Variants in TAF9 observed in about 807,000 individuals in gnomAD.
The protein encoded by TAF9 is transcription initiation factor TFIID subunit 9.
Under a neutral mutation model 16.5 loss-of-function variants are expected in TAF9, and 10 were observed. The ratio of observed to expected loss-of-function variants is 0.61; its 90% CI spans 0.37 to 1.03. The LOEUF (loss-of-function observed/expected upper bound fraction) is 1.03. TAF9 is among the 50% of genes least tolerant of loss of function. The pLI is 0.01. For missense variants in TAF9, 288 were observed against 319.1 expected (o/e 0.90, Z 0.74); for synonymous variants, 105 against 120.5 (o/e 0.87, Z 0.84).
chr5:69,369,624 G>A (rs1580337147), upstream of TAF9: 1 of 1,570,122 alleles, frequency 6.4e-7, no homozygotes, highest in Non-Finnish European at 8.6e-7. Context: ...CCCCTAGCCT[G>A]CCCCGGCGGC....
At position 69,369,444 on chromosome 5, in the gene TAF9, C is replaced by T. The variant is rs1330311692; in HGVS notation, c.-111+19G>A. 6.2e-7 allele frequency: 1 copy of T among 1,609,692 alleles called. No homozygotes were observed. Among genetic ancestry groups the T allele is most frequent in the Non-Finnish European group, 8.5e-7 (1 of 1,178,864 alleles). On this transcript the variant is annotated intron_variant, in intron 1 of 2. Coordinates refer to ENST00000217893, the MANE Select transcript of TAF9 (RefSeq NM_003187.5). ...CCCAGCCTGCCCCAGCCCAGTCCCTCCCGGCCGCGCGCCCTGACCGGTGAG... is the reference window on the plus strand; with the variant it reads ...CCCAGCCTGCCCCAGCCCAGTCCCTTCCGGCCGCGCGCCCTGACCGGTGAG...
In TAF9 at chr5:69,366,768, T is replaced by A. The variant is rs935705963; in HGVS notation, c.-110-173A>T. The A allele has an allele frequency of 1.9e-5, 11 of 594,534 alleles. No homozygotes were observed. The Admixed American group carries it at 2.1e-4, about 11-fold the overall frequency. The allele number at this position is 594,534 out of a possible 1,614,324, so 36.8% of individuals were successfully genotyped here. On this transcript the variant is annotated intron_variant, in intron 1 of 2. Transcript: ENST00000217893. ...CTAATTAGCAATCATATGTAAAATT[T>A]TTTTTTTGAGACAGAGTTTCACTCT...
At chr5:69,369,529 G>A (rs754156484), upstream of TAF9, 4 of 1,611,308 alleles carry the variant, frequency 2.5e-6, no homozygotes, top group South Asian at 4.4e-5. Context: ...TCGCTCACGT[G>A]CCCTTTGCTC....
upstream of TAF9, chr5:69,369,753 CA>C: frequency 1.3e-6 from 2 of 1,509,640 alleles, no homozygotes; most frequent in South Asian, 2.4e-5. Context: ...GCCTAAGTCA[CA>C]CACTCCTTCG....
upstream of TAF9, chr5:69,369,716 T>A (rs764215466): frequency 1.2e-5 from 19 of 1,550,836 alleles, no homozygotes; most frequent in South Asian, 2.0e-4. Context: ...CTCGGGTCGG[T>A]ACTTCGGGTC....
At chr5:69,368,062 TTACCTC>T (rs1233685687) in intron 1 of TAF9, among the ~76,000 whole-genome samples, 1 of 152,006 alleles carries the variant, frequency 6.6e-6, no homozygotes, top group African/African-American at 2.4e-5. Flanking sequence ...AGTCTGAAAA[TTACCTC>T]TACTGACCCC....
chr5:69,369,738 T>C (rs1167050266), upstream of TAF9: 22 of 1,539,174 alleles, frequency 1.4e-5, 1 homozygote, highest in Middle Eastern at 5.0e-4. Flanking sequence ...GGCAGTGCGC[T>C]GGATGCCTAA....
rs1762767802 is a variant in TAF9 at position 69,369,509 on chromosome 5, T to C, written c.-157A>G. The C allele has an allele frequency of 2.5e-6, 4 of 1,611,062 alleles. No homozygotes were observed. Among genetic ancestry groups the C allele is most frequent in the African/African-American group, 1.3e-5 (1 of 74,700 alleles). ...GCAACATGGTCCCCGCCGCGACGGC[T>C]TCGGGCGCCTCGCTCACGTGCCCTT... On this transcript the variant is annotated 5_prime_UTR_variant, in exon 1 of 3. Coordinates refer to ENST00000217893, the MANE Select transcript of TAF9 (RefSeq NM_003187.5).
Position 69,365,210 on chromosome 5 carries a change from T to C in TAF9, c.528A>G (p.Val176=). 5 of 1,614,214 alleles carry C rather than the reference T, an allele frequency of 3.1e-6. No individual in the cohort carries two copies. Among genetic ancestry groups the C allele is most frequent in the Non-Finnish European group, 4.2e-6 (5 of 1,180,036 alleles). The part of the protein sequence containing the change: ...TPQTMSVSTK[V]GTPMSLTGQR... ...GACCTGTGAGGGACATGGGAGTCCC[T>C]ACTTTAGTTGAAACAGACATGGTCT... is the stretch of plus-strand genomic sequence containing the variant. Residue 176 remains valine, a synonymous_variant, in exon 3 of 3, where the codon GTA becomes GTG. Coordinates refer to ENST00000217893, the MANE Select transcript of TAF9 (RefSeq NM_003187.5).
chr5:69,364,779 A>C lies in TAF9; in HGVS notation c.*164T>G. Reference sequence around the variant, plus strand: ...ACAACTTTATTTTTCTTACACTTTTAAGGCTGATGAAAAACCTTCATTTCA... The same window carrying C: ...ACAACTTTATTTTTCTTACACTTTTCAGGCTGATGAAAAACCTTCATTTCA... On this transcript the variant is annotated 3_prime_UTR_variant, in exon 3 of 3. Transcript: ENST00000217893. 1.4e-6 allele frequency: 1 copy of C among 720,216 alleles called. No individual in the cohort carries two copies. Among genetic ancestry groups the C allele is most frequent in the Non-Finnish European group, 2.3e-6 (1 of 426,230 alleles). The allele number at this position is 720,216 out of a possible 1,614,324, so 44.6% of individuals were successfully genotyped here. A position where few individuals can be genotyped will look rare whatever the true frequency, so the allele number is the denominator to read the frequency against.
chr5:69,365,688 T>C lies in TAF9; in HGVS notation c.50A>G (p.Gln17Arg), dbSNP rs1422751520. 2 of 1,595,318 alleles carry C rather than the reference T, an allele frequency of 1.3e-6. No individual in the cohort carries two copies. The highest frequency in any genetic ancestry group is 2.2e-5 in the East Asian group (1 of 44,654). The change falls in exon 3 of 3, where the codon CAG (glutamine) becomes CGG (arginine). Residue 17 changes from glutamine to arginine, a missense_variant. Coordinates refer to ENST00000217893, the MANE Select transcript of TAF9 (RefSeq NM_003187.5). ...ASPKSMPKDA[Q>R]MMAQILKDMG... ...ATCCTTCAGGATTTGTGCCATCATC[T>C]GTGCATCTTTCGGCATGCTCTTGGG...
Position 69,364,869 on chromosome 5 carries a change from A to G in TAF9, c.*74T>C. 7.4e-7 allele frequency: 1 copy of G among 1,347,298 alleles called. No homozygotes were observed. The allele number at this position is 1,347,298 out of a possible 1,614,324, so 83.5% of individuals were successfully genotyped here. ...GTTTTCTAAAACACAACTTGAAAAC[A>G]TCCAGCATGCATGTTTAATATCAGT... On this transcript the variant is annotated 3_prime_UTR_variant, in exon 3 of 3. Coordinates refer to ENST00000217893, the MANE Select transcript of TAF9 (RefSeq NM_003187.5).
In TAF9 at chr5:69,365,369, T is replaced by C. The variant is rs949181151; in HGVS notation, c.369A>G (p.Thr123=). 3.7e-6 allele frequency: 6 copies of C among 1,614,102 alleles called. No individual in the cohort carries two copies. In the African/African-American group the frequency reaches 6.7e-5, roughly 18 times the overall value. ...AAGATTTCAGCCTATAGTTTGGAGC[T>C]GTTAAGCAGTATCTATCAGGTGGCA... ...PRLPPDRYCL[T]APNYRLKSLQ... Residue 123 remains threonine (T), a synonymous_variant, in exon 3 of 3, where the codon ACA becomes ACG. Coordinates refer to ENST00000217893, the MANE Select transcript of TAF9 (RefSeq NM_003187.5).
In TAF9 at chr5:69,366,527, T is replaced by A. The variant is rs1762433040; in HGVS notation, c.-42A>T. On this transcript the variant is annotated 5_prime_UTR_variant, in exon 2 of 3. Transcript: ENST00000217893. ...CCTTCTCGAGCTAAATCACCCACAT[T>A]AATGTATTTCAGTCCTGATTTTGAC... 2 of 1,613,888 alleles carry A rather than the reference T, an allele frequency of 1.2e-6. No homozygotes were observed. The highest frequency in any genetic ancestry group is 1.7e-6 in the Non-Finnish European group (2 of 1,179,984).
upstream of TAF9, chr5:69,369,824 C>T (rs1473554919): frequency 9.8e-7 from 1 of 1,021,270 alleles, no homozygotes; most frequent in African/African-American, 1.6e-5. Flanking sequence ...GGCCGTACCT[C>T]CGAGAGGCTC....
At position 69,369,518 on chromosome 5, in the gene TAF9, C is replaced by G. The variant is rs1303573112; in HGVS notation, c.-166G>C. The G allele has an allele frequency of 6.2e-7, 1 of 1,611,208 alleles. No individual in the cohort carries two copies. Among genetic ancestry groups the G allele is most frequent in the Non-Finnish European group, 8.5e-7 (1 of 1,179,156 alleles). On this transcript the variant is annotated 5_prime_UTR_variant, in exon 1 of 3. Coordinates refer to ENST00000217893, the MANE Select transcript of TAF9 (RefSeq NM_003187.5). The stretch of plus-strand genomic sequence containing the variant: ...TCCCCGCCGCGACGGCTTCGGGCGC[C>G]TCGCTCACGTGCCCTTTGCTCTACA...
chr5:69,369,514 G>C lies in TAF9; in HGVS notation c.-162C>G, dbSNP rs201882501. On this transcript the variant is annotated 5_prime_UTR_variant, in exon 1 of 3. Transcript: ENST00000217893. Reference sequence around the variant, plus strand: ...ATGGTCCCCGCCGCGACGGCTTCGGGCGCCTCGCTCACGTGCCCTTTGCTC... The same window carrying C: ...ATGGTCCCCGCCGCGACGGCTTCGGCCGCCTCGCTCACGTGCCCTTTGCTC... 1 of 1,611,372 alleles carries C rather than the reference G, an allele frequency of 6.2e-7. No individual in the cohort carries two copies. Among genetic ancestry groups the C allele is most frequent in the Admixed American group, 1.7e-5 (1 of 59,952 alleles).
In TAF9 at chr5:69,369,466, T is replaced by C. The variant is rs544748486; in HGVS notation, c.-114A>G. 3.7e-6 allele frequency: 6 copies of C among 1,610,850 alleles called. No homozygotes were observed. The highest frequency in any genetic ancestry group is 2.2e-5 in the East Asian group (1 of 44,764). ...CCTCCCGGCCGCGCGCCCTGACCGG[T>C]GAGCAGGATGTTCGGAAGCAACATG... On this transcript the variant is annotated 5_prime_UTR_variant, in exon 1 of 3. Coordinates refer to ENST00000217893, the MANE Select transcript of TAF9 (RefSeq NM_003187.5).
At position 69,365,378 on chromosome 5, in the gene TAF9, G is replaced by GT; in HGVS notation, c.359dup (p.Tyr120Ter). The change falls in exon 3 of 3, where the codon TAC becomes TAAC. Residue 120 changes from tyrosine to a stop codon, truncating the protein, a stop_gained and frameshift_variant. Coordinates refer to ENST00000217893, the MANE Select transcript of TAF9 (RefSeq NM_003187.5). LOFTEE classifies it high-confidence loss of function. ...GCCTATAGTTTGGAGCTGTTAAGCA[G>GT]TATCTATCAGGTGGCAACCTAGGAC... The part of the protein sequence containing the change: ...YSGPRLPPDR[Y>*]CLTAPNYRLK... The GT allele has an allele frequency of 1.2e-6, 2 of 1,614,218 alleles. No homozygotes were observed. Among genetic ancestry groups the GT allele is most frequent in the Non-Finnish European group, 1.7e-6 (2 of 1,180,028 alleles).
Sources: gnomAD v4.1 joint callset for allele counts (sites outside exome capture counted in the v4.1 genomes callset) on GRCh38, gnomAD v4.1.1 for gene constraint, MANE v1.5 for transcripts, NCBI Gene and HGNC (gene_info 2026-07-23, HGNC 2026-07-21) for gene names.